Variants in COL23A1 observed in about 807,000 individuals in gnomAD.
The protein encoded by COL23A1 is collagen alpha-1(XXIII) chain.
A neutral mutation model predicts 99.3 loss-of-function variants in COL23A1; 97 were observed. That is an observed-to-expected ratio of 0.98 (90% CI 0.83 to 1.16). The LOEUF is 1.16. COL23A1 is among the 50% of genes most tolerant of loss of function. COL23A1 has a pLI of 0.00. For missense variants in COL23A1, 762 were observed against 757.4 expected, an observed-to-expected ratio of 1.01 and a Z score of -0.07; for synonymous variants, 320 against 308.2, an observed-to-expected ratio of 1.04 and a Z score of -0.40.
chr5:178,467,213 C>T (rs1400252222), intron 2 of COL23A1, among the ~76,000 whole-genome samples: 1 of 152,178 alleles, frequency 6.6e-6, no homozygotes, highest in African/African-American at 2.4e-5. Context: ...TCTTTAGGGA[C>T]AGGAACAGGA....
rs1402976725 is a variant in COL23A1, at chr5:178,326,277, G to A, written c.362-19358C>T. Among the ~76,000 whole-genome samples the A allele has an allele frequency of 3.9e-5, 6 of 152,278 alleles. No individual in the cohort carries two copies. The East Asian group carries it at 7.7e-4, about 20-fold the overall frequency. ...TCCTACGCACTTTAGCACTGGCTCT[G>A]GGGAATGCGTGTATTTCTGAACGTC... On this transcript the variant is annotated intron_variant, in intron 2 of 28. Transcript: ENST00000390654.
At chr5:178,345,302 A>G in intron 2 of COL23A1, 1 of 559,794 alleles carries the variant, frequency 1.8e-6, no homozygotes, top group Non-Finnish European at 3.3e-6. Context: ...TAGTTTGAAA[A>G]TCACTTGGAG....
chr5:178,334,259 G>A (rs1262443194), intron 2 of COL23A1, among the ~76,000 whole-genome samples: 1 of 152,184 alleles, frequency 6.6e-6, no homozygotes, highest in Admixed American at 6.5e-5. Flanking sequence ...GCAGTGCTGG[G>A]TGTGTCCACA....
At chr5:178,358,242 G>GTGTA (rs567013661) in intron 2 of COL23A1, among the ~76,000 whole-genome samples, 16,581 of 46,600 alleles carry the variant, frequency 0.36, 1,632 homozygotes, top group East Asian at 0.51. Context: ...ATGTGTGTAT[G>GTGTA]TGTATGTGTG....
rs532079344 is a variant in COL23A1, at chr5:178,335,847, G to A, written c.362-28928C>T. ...TGCAAAGTTCACTGGCAAAGTTCTT[G>A]CAAAATGCCAGTTTGCTCACTATAT... On this transcript the variant is annotated intron_variant, in intron 2 of 28. Transcript: ENST00000390654. Among the ~76,000 whole-genome samples the A allele has an allele frequency of 3.3e-5, 5 of 152,354 alleles. No individual in the cohort carries two copies. In the South Asian group the frequency reaches 1.0e-3, roughly 32 times the overall value.
chr5:178,560,595 C>T (rs1360072523), intron 2 of COL23A1, 87 bp downstream of exon 2: 42 of 1,224,454 alleles, frequency 3.4e-5, no homozygotes, highest in Non-Finnish European at 4.5e-5. Flanking sequence ...ACACCCCAGT[C>T]CACCTTCCGG....
chr5:178,261,472 T>C (rs1399842335), intron 11 of COL23A1, among the ~76,000 whole-genome samples: 2 of 151,688 alleles, frequency 1.3e-5, no homozygotes, highest in Non-Finnish European at 2.9e-5. Context: ...GGCTAATGTG[T>C]TTTATGATTC....
At chr5:178,503,513 G>A (rs1158884028) in intron 2 of COL23A1, among the ~76,000 whole-genome samples, 1 of 152,196 alleles carries the variant, frequency 6.6e-6, no homozygotes, top group African/African-American at 2.4e-5. Flanking sequence ...TGACCTTAAT[G>A]TGGTTGTGTA....
In COL23A1 at chr5:178,245,964, C is replaced by T. The variant is rs1470936838; in HGVS notation, c.1418G>A (p.Arg473Lys). Reference sequence around the variant, plus strand: ...TACATCTAGTCCTGGCTCCCCGGGTCTGCCCTGAGGAGAGACACAGAGTGG... The same window carrying T: ...TACATCTAGTCCTGGCTCCCCGGGTTTGCCCTGAGGAGAGACACAGAGTGG... ...GLPGTKGEKG[R>K]PGEPGLDGFP... The change falls in exon 25 of 29, where the codon AGA (arginine) becomes AAA (lysine). Residue 473 changes from arginine (R) to lysine (K), a missense_variant. Transcript: ENST00000390654. 2 of 1,614,120 alleles carry T rather than the reference C, an allele frequency of 1.2e-6. No individual in the cohort carries two copies. The highest frequency in any genetic ancestry group is 1.7e-6 in the Non-Finnish European group (2 of 1,180,018).
chr5:178,353,957 AAAAAAAC>A (rs1451159910), intron 2 of COL23A1, among the ~76,000 whole-genome samples: 5 of 145,984 alleles, frequency 3.4e-5, no homozygotes, highest in Non-Finnish European at 7.8e-5. Flanking sequence ...AAAAAAAACC[AAAAAAAC>A]CCCAACAAAA....
chr5:178,577,334 C>A (rs1183777569), intron 1 of COL23A1, among the ~76,000 whole-genome samples: 1 of 152,222 alleles, frequency 6.6e-6, no homozygotes, highest in African/African-American at 2.4e-5. Context: ...CAGGGCCCCC[C>A]CACAACGACC....
At chr5:178,376,108 C>T (rs1235058755) in intron 2 of COL23A1, among the ~76,000 whole-genome samples, 1 of 152,236 alleles carries the variant, frequency 6.6e-6, no homozygotes, top group Non-Finnish European at 1.5e-5. Flanking sequence ...CCACTCTGCA[C>T]ACGCCACATC....
chr5:178,356,651 C>T lies in COL23A1; in HGVS notation c.362-49732G>A, dbSNP rs558594191. Among the ~76,000 whole-genome samples, 108 of 152,302 alleles carry T rather than the reference C, an allele frequency of 7.1e-4. 1 individual carries two copies. The highest frequency in any genetic ancestry group is 2.5e-3 in the African/African-American group (104 of 41,546). On this transcript the variant is annotated intron_variant, in intron 2 of 28. Transcript: ENST00000390654. ...AAAGGCAAAGGAAAGCAAAAGTCAGCGCCTCCCCAGTCCCCACATTAAAGT... is the reference window on the plus strand; with the variant it reads ...AAAGGCAAAGGAAAGCAAAAGTCAGTGCCTCCCCAGTCCCCACATTAAAGT...
In COL23A1 at chr5:178,272,536, A is replaced by G. The variant is rs139350011; in HGVS notation, c.442-2173T>C. 4.1e-4 allele frequency among the ~76,000 whole-genome samples: 63 copies of G among 152,184 alleles called. No individual in the cohort carries two copies. The East Asian group carries it at 8.5e-3, about 21-fold the overall frequency. On this transcript the variant is annotated intron_variant, in intron 5 of 28. Coordinates refer to ENST00000390654, the MANE Select transcript of COL23A1 (RefSeq NM_173465.4). ...AGGAGAGTGGGAGTGGGGGCATTCCAAAGTCTTGGGGATTCAGGCCCTGGG... is the reference window on the plus strand; with the variant it reads ...AGGAGAGTGGGAGTGGGGGCATTCCGAAGTCTTGGGGATTCAGGCCCTGGG...
At chr5:178,409,210 A>G (rs182598587) in intron 2 of COL23A1, among the ~76,000 whole-genome samples, 63 of 152,324 alleles carry the variant, frequency 4.1e-4, no homozygotes, top group Admixed American at 1.4e-3. Context: ...GTATAACCGC[A>G]CCATAAAATA....
intron 2 of COL23A1, among the ~76,000 whole-genome samples, chr5:178,417,944 C>A (rs1581350002): frequency 6.6e-6 from 1 of 152,218 alleles, no homozygotes. Flanking sequence ...GTTTGTTTTT[C>A]AGTCCTGGGC....
chr5:178,293,145 G>A (rs535869707), intron 3 of COL23A1, among the ~76,000 whole-genome samples: 1 of 152,206 alleles, frequency 6.6e-6, no homozygotes, highest in Admixed American at 6.6e-5. Flanking sequence ...AGTGGGGCCT[G>A]GAGATGGATA....
chr5:178,487,288 T>TTTTTTTTTTTTATTTA (rs773272887), intron 2 of COL23A1, among the ~76,000 whole-genome samples: 87 of 116,520 alleles, frequency 7.5e-4, no homozygotes, highest in South Asian at 1.7e-3. Flanking sequence ...CCAGCCTCAG[T>TTTTTTTTTTTTATTTA]TTTATTTATT....
At position 178,590,165 on chromosome 5, in the gene COL23A1, G is replaced by A; in HGVS notation, c.33C>T (p.Gly11=). MGPGERAGGG[G]DAGKGNAAGG... is the part of the protein sequence containing the mutation. ...CCGCCGCATTGCCCTTCCCCGCGTCGCCGCCGCCACCGGCGCGCTCGCCTG... is the reference window on the plus strand; with the variant it reads ...CCGCCGCATTGCCCTTCCCCGCGTCACCGCCGCCACCGGCGCGCTCGCCTG... Residue 11 remains glycine, a synonymous_variant, in exon 1 of 29, where the codon GGC becomes GGT. Coordinates refer to ENST00000390654, the MANE Select transcript of COL23A1 (RefSeq NM_173465.4). This position sits in a 1 kb window ranked among gnomAD's most constrained non-coding sequence, Gnocchi z 5.7. 8.2e-7 allele frequency: 1 copy of A among 1,221,744 alleles called. No individual in the cohort carries two copies. 75.7% of individuals were successfully genotyped at this position (1,221,744 alleles called of 1,614,324 possible). A position where few individuals can be genotyped will look rare whatever the true frequency, so the allele number is the denominator to read the frequency against.
Sources: allele counts gnomAD v4.1 joint callset (sites outside exome capture counted in the v4.1 genomes callset), GRCh38; gene constraint gnomAD v4.1.1; non-coding constraint Gnocchi (gnomAD v3.1); transcripts MANE v1.5; gene names NCBI Gene and HGNC (gene_info 2026-07-23, HGNC 2026-07-21).